BDP1: variants seen among roughly 807,000 people sequenced by gnomAD.
BDP1 encodes BDP1 general transcription factor IIIB subunit.
Under a neutral mutation model 266.6 loss-of-function variants are expected in BDP1, and 169 were observed. The ratio of observed to expected loss-of-function variants is 0.63; its 90% CI spans 0.56 to 0.72. BDP1 has a LOEUF of 0.72. Among genes scored for constraint, BDP1 ranks in the 30% least tolerant of loss-of-function variants. BDP1 has a pLI of 0.00. For missense variants in BDP1, 3,015 were observed against 3,053.8 expected, an observed-to-expected ratio of 0.99 and a Z score of 0.30; for synonymous variants, 1,090 against 1,022.4, an observed-to-expected ratio of 1.07 and a Z score of -1.26.
chr5:71,573,214 C>G, the BDP1 span, among the ~76,000 whole-genome samples: 6 of 141,776 alleles, frequency 4.2e-5, no homozygotes, highest in African/African-American at 1.3e-4. Context: ...GGTGACAGAA[C>G]GAGACTCTGT....
intron 38 of BDP1, chr5:71,562,936 G>T: frequency 8.1e-7 from 1 of 1,227,444 alleles, no homozygotes; most frequent in South Asian, 1.4e-5. Context: ...CTGTATCAAA[G>T]ACTTTGTAAA....
At chr5:71,522,131 G>A (rs1335438223) in intron 22 of BDP1, among the ~76,000 whole-genome samples, 158 bp from the exon 23 acceptor site, 1 of 152,128 alleles carries the variant, frequency 6.6e-6, no homozygotes, top group East Asian at 1.9e-4. Context: ...TATCAGCAAT[G>A]TGTGGTTTCA....
At chr5:71,461,623 T>C (rs1321578283) in intron 2 of BDP1, among the ~76,000 whole-genome samples, 194 bp from the exon 3 acceptor site, 1 of 152,046 alleles carries the variant, frequency 6.6e-6, no homozygotes, top group African/African-American at 2.4e-5. Flanking sequence ...CAAAAGTAGA[T>C]AAATAAAAAC....
rs767607424 is a variant in BDP1 at position 71,560,114 on chromosome 5, A to G, written c.7373A>G (p.Lys2458Arg). ...GSRSPDACMD[K>R]NVPQLPQDEM... ...AGATCTCCTGATGCATGCATGGACA[A>G]GAATGTGCCTCAGTTACCTCAGGAT... Residue 2458 changes from lysine (K) to arginine (R), a missense_variant, in exon 37 of 39, where the codon AAG becomes AGG. By Grantham distance (26) the Lys-to-Arg change is conservative. Transcript: ENST00000358731. 1 of 1,614,190 alleles carries G rather than the reference A, an allele frequency of 6.2e-7. No individual in the cohort carries two copies. Among genetic ancestry groups the G allele is most frequent in the Non-Finnish European group, 8.5e-7 (1 of 1,180,024 alleles).
chr5:71,461,781 A>G (rs1324976867), intron 2 of BDP1, 36 bp from the exon 3 acceptor site: 6 of 1,200,858 alleles, frequency 5.0e-6, no homozygotes, highest in Middle Eastern at 2.0e-4. Context: ...ATTCTTTAAT[A>G]TTTATAAAAG....
Position 71,509,662 on chromosome 5 carries a change from C to T in BDP1, c.2570C>T (p.Pro857Leu). The change falls in exon 17 of 39, where the codon CCA (proline) becomes CTA (leucine). Residue 857 changes from proline (P) to leucine (L), a missense_variant. Pro to Leu is a moderately conservative substitution (Grantham distance 98, BLOSUM62 -3). Around this residue, in one of 3 missense-constraint regions of BDP1, gnomAD observed 2,383 missense variants for 2,404.9 expected, o/e 0.99. Transcript: ENST00000358731. ...GAAACTGTAAGACTAGACACCTCAC[C>T]AAAGGAGATGGTACCAGCAGAGATT... ...LRETVRLDTS[P>L]KEMVPAEINT... The T allele has an allele frequency of 6.2e-7, 1 of 1,612,618 alleles. No individual in the cohort carries two copies. The highest frequency in any genetic ancestry group is 8.5e-7 in the Non-Finnish European group (1 of 1,179,678).
At chr5:71,546,010 G>C (rs1742276405) in intron 32 of BDP1, among the ~76,000 whole-genome samples, 1 of 151,912 alleles carries the variant, frequency 6.6e-6, no homozygotes, top group South Asian at 2.1e-4. Flanking sequence ...GAACAAACCA[G>C]TATGAAACAG....
intron 34 of BDP1, 146 bp from the exon 35 acceptor site, chr5:71,552,970 T>C (rs1196717442): frequency 3.0e-6 from 2 of 661,098 alleles, no homozygotes; most frequent in Non-Finnish European, 5.1e-6. Flanking sequence ...TCTCTTAGTT[T>C]GGAGTTTTTT....
At chr5:71,513,543 A>G in intron 19 of BDP1, 136 bp downstream of exon 19, 2 of 638,288 alleles carry the variant, frequency 3.1e-6, no homozygotes, top group South Asian at 4.2e-5. Context: ...TATTGCTCCC[A>G]TGCTTAATGT....
Position 71,495,319 on chromosome 5 carries a change from C to G in BDP1, c.1710C>G (p.Phe570Leu). Residue 570 changes from phenylalanine (F) to leucine (L), a missense_variant, in exon 12 of 39, where the codon TTC becomes TTG. This residue lies in a region of BDP1 where 2,383 missense variants were observed against 2,404.9 expected (regional missense o/e 0.99). Coordinates refer to ENST00000358731, the MANE Select transcript of BDP1 (RefSeq NM_018429.3). The part of the protein sequence containing the change: ...SESSTSDLPS[F>L]EVGIRALCEV... Reference sequence around the variant, plus strand: ...CAAGCACTTCAGATTTGCCTTCATTCGAAGTTGGAATTAGAGCATTGTGTG... The same window carrying G: ...CAAGCACTTCAGATTTGCCTTCATTGGAAGTTGGAATTAGAGCATTGTGTG... 6.2e-7 allele frequency: 1 copy of G among 1,606,858 alleles called. No individual in the cohort carries two copies. The highest frequency in any genetic ancestry group is 8.5e-7 in the Non-Finnish European group (1 of 1,175,936).
At chr5:71,491,250 T>G in intron 11 of BDP1, 119 bp downstream of exon 11, 1 of 928,708 alleles carries the variant, frequency 1.1e-6, no homozygotes, top group Non-Finnish European at 1.6e-6. Flanking sequence ...CTATTTGTTT[T>G]TGCTCCATAT....
At chr5:71,571,142 C>T (rs550111153), downstream of BDP1, among the ~76,000 whole-genome samples, 25 of 152,018 alleles carry the variant, frequency 1.6e-4, no homozygotes, top group African/African-American at 5.5e-4. Context: ...AATACTATCC[C>T]ATTTTATTTT....
At chr5:71,519,082 A>C (rs1054920323) in intron 22 of BDP1, among the ~76,000 whole-genome samples, 2 of 151,878 alleles carry the variant, frequency 1.3e-5, no homozygotes, top group Admixed American at 1.3e-4. Flanking sequence ...AGCCTCCCAA[A>C]GTGCTGGGAT....
chr5:71,550,244 G>T (rs1313377626), intron 34 of BDP1, among the ~76,000 whole-genome samples: 1 of 152,110 alleles, frequency 6.6e-6, no homozygotes, highest in African/African-American at 2.4e-5. Flanking sequence ...AAATTAGCTG[G>T]TCATGGTGGC....
At chr5:71,497,854 T>A (rs1431515891) in intron 13 of BDP1, among the ~76,000 whole-genome samples, 1 of 152,198 alleles carries the variant, frequency 6.6e-6, no homozygotes, top group African/African-American at 2.4e-5. Flanking sequence ...AATGGCAGTA[T>A]TATGGCTCTC....
At chr5:71,563,605 A>G (rs1743831286) in intron 38 of BDP1, among the ~76,000 whole-genome samples, 2 of 151,882 alleles carry the variant, frequency 1.3e-5, no homozygotes, top group South Asian at 4.2e-4. Flanking sequence ...TTCTGCTTTC[A>G]GATAGTTTAA....
chr5:71,530,836 G>T (rs1285287363), intron 25 of BDP1, among the ~76,000 whole-genome samples: 2 of 152,168 alleles, frequency 1.3e-5, no homozygotes, highest in African/African-American at 4.8e-5. Context: ...CCAGCACTTT[G>T]GGAAGCCAAG....
At position 71,531,073 on chromosome 5, in the gene BDP1, C is replaced by CA. The variant is rs374795676; in HGVS notation, c.5773-1225dup. 1.5e-3 allele frequency among the ~76,000 whole-genome samples: 229 copies of CA among 148,134 alleles called. 1 individual carries two copies. The highest frequency in any genetic ancestry group is 4.2e-3 in the African/African-American group (170 of 40,522). ...TGGGCGATAGAGTGAGGCTTTGTCT[C>CA]AAAAAAAAAATAACGTATGTCTTGA... On this transcript the variant is annotated intron_variant, in intron 25 of 38. Transcript: ENST00000358731.
In BDP1 at chr5:71,539,610, C is replaced by A; in HGVS notation, c.5983C>A (p.Leu1995Ile). The change falls in exon 28 of 39, where the codon CTA becomes ATA. Residue 1995 changes from leucine (L) to isoleucine (I), a missense_variant. Leu to Ile is a conservative substitution (Grantham distance 5). Around this residue, in one of 3 missense-constraint regions of BDP1, gnomAD observed 2,383 missense variants for 2,404.9 expected, o/e 0.99. Transcript: ENST00000358731. Reference protein sequence around the residue: ...AAITLLTMGDLVLQSEISSEQ... With the variant: ...AAITLLTMGDIVLQSEISSEQ... Reference sequence around the variant, plus strand: ...AATAACTTTACTTACAATGGGAGATCTAGTATTGCAGTCAGAGATCAGTAG... The same window carrying A: ...AATAACTTTACTTACAATGGGAGATATAGTATTGCAGTCAGAGATCAGTAG... The A allele has an allele frequency of 6.2e-7, 1 of 1,611,696 alleles. No homozygotes were observed. The highest frequency in any genetic ancestry group is 1.3e-5 in the African/African-American group (1 of 74,566).
Sources: gnomAD v4.1 joint callset for allele counts (sites outside exome capture counted in the v4.1 genomes callset) on GRCh38, gnomAD v4.1.1 for gene constraint, gnomAD v4.1.1 regional missense constraint, MANE v1.5 for transcripts, NCBI Gene and HGNC (gene_info 2026-07-23, HGNC 2026-07-21) for gene names.